Variants in PLEKHM3 observed in about 807,000 individuals in gnomAD.
The protein encoded by PLEKHM3 is pleckstrin homology domain-containing family M member 3.
Under a neutral mutation model 81.8 loss-of-function variants are expected in PLEKHM3, and 45 were observed. That is an observed-to-expected ratio of 0.55 (90% CI 0.43 to 0.71). PLEKHM3 has a LOEUF of 0.71. PLEKHM3 is among the 30% of genes least tolerant of loss of function. PLEKHM3 has a pLI of 0.00. For missense variants in PLEKHM3, 788 were observed against 924.3 expected, an observed-to-expected ratio of 0.85 and a Z score of 1.91; for synonymous variants, 352 against 356.4, an observed-to-expected ratio of 0.99 and a Z score of 0.14.
intron 6 of PLEKHM3, among the ~76,000 whole-genome samples, chr2:207,887,498 G>A (rs995850331): frequency 2.6e-5 from 4 of 152,198 alleles, no homozygotes; most frequent in African/African-American, 9.6e-5. Flanking sequence ...TATGAAATCA[G>A]TGTCTCATCT....
intron 1 of PLEKHM3, among the ~76,000 whole-genome samples, chr2:208,016,672 C>T (rs1318589155): frequency 1.4e-5 from 2 of 139,110 alleles, no homozygotes; most frequent in African/African-American, 5.4e-5. Context: ...AAAAAAAATA[C>T]ACACACACAC....
Position 208,001,351 on chromosome 2 carries a change from C to T in PLEKHM3, c.289G>A (p.Val97Ile). ...TTATCTGGGGTTGTCCCTCTCTGGA[C>T]CATAAACTGTTCTTTGGCAGGGAAG... ...NVFPAKEQFM[V>I]QRGTTPDNLS... The change falls in exon 2 of 8, where the codon GTC (valine) becomes ATC (isoleucine). Residue 97 changes from valine to isoleucine, a missense_variant. Physicochemically the swap from Val to Ile is conservative, Grantham distance 29. Transcript: ENST00000427836. The T allele has an allele frequency of 6.2e-7, 1 of 1,614,172 alleles. No individual in the cohort carries two copies. The highest frequency in any genetic ancestry group is 8.5e-7 in the Non-Finnish European group (1 of 1,180,022).
chr2:207,894,402 C>T lies in PLEKHM3; in HGVS notation c.1950+14112G>A, dbSNP rs554562023. ...GGCCTGACCAATATAGTCCCAATAT[C>T]TACAGAGTCTTTCCAAGCACTGGGT... is the stretch of plus-strand genomic sequence containing the variant. On this transcript the variant is annotated intron_variant, in intron 6 of 7. Coordinates refer to ENST00000427836, the MANE Select transcript of PLEKHM3 (RefSeq NM_001080475.3). Among the ~76,000 whole-genome samples, 14 of 152,336 alleles carry T rather than the reference C, an allele frequency of 9.2e-5. No individual in the cohort carries two copies. In the South Asian group the frequency reaches 2.7e-3, roughly 29 times the overall value.
intron 6 of PLEKHM3, among the ~76,000 whole-genome samples, chr2:207,884,308 A>G (rs150321660): frequency 8.5e-5 from 13 of 152,218 alleles, no homozygotes; most frequent in Non-Finnish European, 1.2e-4. Context: ...CACCACATCT[A>G]TTCAGTATTT....
chr2:207,990,374 T>G lies in PLEKHM3; in HGVS notation c.610+10656A>C, dbSNP rs190994675. Among the ~76,000 whole-genome samples the G allele has an allele frequency of 2.6e-5, 4 of 152,296 alleles. No homozygotes were observed. The East Asian group carries it at 7.7e-4, about 29-fold the overall frequency. ...TGTTCTTTCCACCTTGACTTTGTGC[T>G]CAATCCTCAAAGCTCAGCTGAAATA... On this transcript the variant is annotated intron_variant, in intron 2 of 7. Coordinates refer to ENST00000427836, the MANE Select transcript of PLEKHM3 (RefSeq NM_001080475.3).
rs749389796 is a variant in PLEKHM3, at chr2:207,828,466, A to G, written c.2139T>C (p.Ser713=). Residue 713 remains serine, a synonymous_variant, in exon 8 of 8, where the codon TCT becomes TCC. Coordinates refer to ENST00000427836, the MANE Select transcript of PLEKHM3 (RefSeq NM_001080475.3). ...AGGGGACAGACTTTTCTTTGCATTC[A>G]GAATGGAAAACGGCTCCACAGCTTT... ...RCESCGAVFH[S]ECKEKSVPCP... is the part of the protein sequence containing the mutation. 2.5e-6 allele frequency: 4 copies of G among 1,614,118 alleles called. No individual in the cohort carries two copies. Among genetic ancestry groups the G allele is most frequent in the Non-Finnish European group, 3.4e-6 (4 of 1,180,012 alleles).
chr2:207,981,603 T>G (rs2106044016), intron 2 of PLEKHM3, among the ~76,000 whole-genome samples: 1 of 152,284 alleles, frequency 6.6e-6, no homozygotes, highest in Non-Finnish European at 1.5e-5. Context: ...CACTTTGGCC[T>G]CCCAAAGTGC....
At chr2:207,878,995 A>G (rs2092573240) in intron 6 of PLEKHM3, among the ~76,000 whole-genome samples, 1 of 152,016 alleles carries the variant, frequency 6.6e-6, no homozygotes, top group Non-Finnish European at 1.5e-5. Flanking sequence ...CCATGTACTC[A>G]TATTCTGCTC....
intron 3 of PLEKHM3, among the ~76,000 whole-genome samples, chr2:207,966,487 T>G (rs1690911705): frequency 6.6e-6 from 1 of 152,186 alleles, no homozygotes; most frequent in Admixed American, 6.5e-5. Context: ...CTATTCTAGG[T>G]TACATTGATT....
At chr2:207,964,337 T>A (rs1690841621) in intron 3 of PLEKHM3, among the ~76,000 whole-genome samples, 1 of 152,226 alleles carries the variant, frequency 6.6e-6, no homozygotes, top group East Asian at 1.9e-4. Flanking sequence ...TGGGGAAGGG[T>A]CCAGTCATCC....
At chr2:207,896,468 T>C (rs1688226478) in intron 6 of PLEKHM3, among the ~76,000 whole-genome samples, 1 of 152,200 alleles carries the variant, frequency 6.6e-6, no homozygotes, top group East Asian at 1.9e-4. Flanking sequence ...AACTCAGCTT[T>C]TACAAAGTGA....
chr2:207,959,039 G>A (rs1243410172), intron 3 of PLEKHM3, among the ~76,000 whole-genome samples: 1 of 152,058 alleles, frequency 6.6e-6, no homozygotes. Flanking sequence ...CCTGTCTCTA[G>A]TTAAGCTTTT....
intron 4 of PLEKHM3, among the ~76,000 whole-genome samples, chr2:207,936,793 A>C (rs1039086489): frequency 1.3e-5 from 2 of 152,112 alleles, no homozygotes; most frequent in Non-Finnish European, 2.9e-5. Context: ...CTATAATAGC[A>C]AAAGACTGGA....
intron 6 of PLEKHM3, among the ~76,000 whole-genome samples, chr2:207,873,890 A>C (rs2092547096): frequency 1.3e-5 from 2 of 152,210 alleles, no homozygotes; most frequent in Admixed American, 6.5e-5. Context: ...CCTGGTTAGA[A>C]GGTTGTGATC....
At chr2:207,830,864 A>G (rs988821893) in intron 7 of PLEKHM3, among the ~76,000 whole-genome samples, 1 of 152,100 alleles carries the variant, frequency 6.6e-6, no homozygotes, top group African/African-American at 2.4e-5. Flanking sequence ...TGAAATTTCC[A>G]GCCTCCAGAA....
chr2:207,912,085 C>T (rs2718672), intron 5 of PLEKHM3, among the ~76,000 whole-genome samples: 78,468 of 151,956 alleles, frequency 0.52, 21,633 homozygotes, highest in Middle Eastern at 0.67. Context: ...CATCGTGCTA[C>T]GTGCTGGAGA....
At chr2:207,858,090 G>C (rs1253693637) in intron 7 of PLEKHM3, among the ~76,000 whole-genome samples, 1 of 149,398 alleles carries the variant, frequency 6.7e-6, no homozygotes, top group East Asian at 2.0e-4. Context: ...GAGTTGCTTA[G>C]AAATATATTG....
At chr2:207,927,111 T>C (rs1282931196) in intron 5 of PLEKHM3, among the ~76,000 whole-genome samples, 2 of 152,212 alleles carry the variant, frequency 1.3e-5, no homozygotes, top group Admixed American at 6.5e-5. Flanking sequence ...TGCTTTTTTT[T>C]GTTCCCCATC....
At chr2:207,951,680 C>G (rs906689881) in intron 3 of PLEKHM3, among the ~76,000 whole-genome samples, 4 of 152,182 alleles carry the variant, frequency 2.6e-5, no homozygotes, top group Non-Finnish European at 5.9e-5. Flanking sequence ...TCCCAAATGG[C>G]CTTTCACTAA....
Sources: allele counts gnomAD v4.1 joint callset (sites outside exome capture counted in the v4.1 genomes callset), GRCh38; gene constraint gnomAD v4.1.1; transcripts MANE v1.5; gene names NCBI Gene and HGNC (gene_info 2026-07-23, HGNC 2026-07-21).